The following STX12 variants were observed in gnomAD, a reference collection of about 807,000 sequenced individuals.
The protein encoded by STX12 is syntaxin-12.
In STX12, 17 loss-of-function variants were observed where a neutral mutation model predicts 42.2. The ratio of observed to expected loss-of-function variants is 0.40; its 90% CI spans 0.28 to 0.60. STX12 has a LOEUF of 0.60. Among genes scored for constraint, STX12 ranks in the 20% least tolerant of loss-of-function variants. The pLI is 0.39. For missense variants in STX12, 297 were observed against 330.9 expected, an observed-to-expected ratio of 0.90 and a Z score of 0.79; for synonymous variants, 108 against 116.7, an observed-to-expected ratio of 0.93 and a Z score of 0.48.
Position 27,773,282 on chromosome 1 carries a change from G to A in STX12, c.-26G>A. 6.7e-7 allele frequency: 1 copy of A among 1,498,118 alleles called. No homozygotes were observed. Among genetic ancestry groups the A allele is most frequent in the African/African-American group, 1.4e-5 (1 of 72,462 alleles). The allele number at this position is 1,498,118 out of a possible 1,614,324, so 92.8% of individuals were successfully genotyped here. ...CTGCTTCCGGTAGGAGAGCGGTGTAGAGCGAGCAGGTCTCAGCTCCTCGTC... is the reference window on the plus strand; with the variant it reads ...CTGCTTCCGGTAGGAGAGCGGTGTAAAGCGAGCAGGTCTCAGCTCCTCGTC... On this transcript the variant is annotated 5_prime_UTR_variant, in exon 1 of 9. Coordinates refer to ENST00000373943, the MANE Select transcript of STX12 (RefSeq NM_177424.3).
chr1:27,798,766 G>A (rs2088805476), intron 3 of STX12, among the ~76,000 whole-genome samples: 1 of 137,618 alleles, frequency 7.3e-6, no homozygotes, highest in African/African-American at 2.7e-5. Context: ...GGACGACAGA[G>A]CGAGACTCCG....
chr1:27,784,861 T>C (rs2088689697), intron 1 of STX12, among the ~76,000 whole-genome samples: 1 of 152,202 alleles, frequency 6.6e-6, no homozygotes, highest in African/African-American at 2.4e-5. Context: ...TTAATTCTGG[T>C]GCTTAGCTAG....
chr1:27,787,638 G>A (rs1454876680), intron 1 of STX12, among the ~76,000 whole-genome samples: 10 of 151,348 alleles, frequency 6.6e-5, no homozygotes, highest in Middle Eastern at 3.4e-3. Flanking sequence ...CAGCCTGGCC[G>A]ACAGAGTGAG....
At chr1:27,808,308 G>GT (rs1204192436) in intron 4 of STX12, among the ~76,000 whole-genome samples, 3 of 145,822 alleles carry the variant, frequency 2.1e-5, no homozygotes, top group African/African-American at 7.5e-5. Flanking sequence ...TTTTTGCTTT[G>GT]TTTTTTATTT....
At position 27,822,653 on chromosome 1, in the gene STX12, C is replaced by T. The variant is rs920426298; in HGVS notation, c.*324C>T. ...GTTTTGACAAATGACACTACAGTCTCGTAATATTGTCTTTTATGTATATAC... is the reference window on the plus strand; with the variant it reads ...GTTTTGACAAATGACACTACAGTCTTGTAATATTGTCTTTTATGTATATAC... On this transcript the variant is annotated 3_prime_UTR_variant, in exon 9 of 9. Transcript: ENST00000373943. The T allele has an allele frequency of 2.7e-5, 6 of 218,554 alleles. No homozygotes were observed. Among genetic ancestry groups the T allele is most frequent in the Admixed American group, 2.1e-4 (4 of 19,154 alleles). The allele number at this position is 218,554 out of a possible 1,614,324, so 13.5% of individuals were successfully genotyped here. A position where few individuals can be genotyped will look rare whatever the true frequency, so the allele number is the denominator to read the frequency against.
intron 5 of STX12, 80 bp from the exon 6 acceptor site, chr1:27,812,083 G>A: frequency 1.7e-6 from 2 of 1,182,332 alleles, no homozygotes; most frequent in Non-Finnish European, 2.5e-6. Flanking sequence ...CATAGGTTCT[G>A]CTGGCAGTAG....
chr1:27,785,513 T>A (rs1212581171), intron 1 of STX12, among the ~76,000 whole-genome samples: 1 of 152,220 alleles, frequency 6.6e-6, no homozygotes, highest in East Asian at 1.9e-4. Context: ...ATTTAGTTCT[T>A]ACATAGTTGT....
chr1:27,788,898 G>A (rs1339339022), intron 1 of STX12, among the ~76,000 whole-genome samples: 1 of 152,100 alleles, frequency 6.6e-6, no homozygotes, highest in Non-Finnish European at 1.5e-5. Context: ...TGTAGTCCCA[G>A]CTACTCAGGA....
At chr1:27,791,196 G>A (rs1193768986) in intron 2 of STX12, among the ~76,000 whole-genome samples, 11 of 152,154 alleles carry the variant, frequency 7.2e-5, no homozygotes, top group Admixed American at 7.2e-4. Flanking sequence ...GGGAGGCGGA[G>A]GTTGCAGTGA....
At chr1:27,791,213 A>G (rs1557800591) in intron 2 of STX12, among the ~76,000 whole-genome samples, 2 of 152,068 alleles carry the variant, frequency 1.3e-5, no homozygotes, top group Non-Finnish European at 2.9e-5. Context: ...GTGAGCTGAG[A>G]TTGTGCCATT....
intron 1 of STX12, among the ~76,000 whole-genome samples, chr1:27,782,214 C>T (rs972014257): frequency 1.3e-5 from 2 of 152,148 alleles, no homozygotes; most frequent in Admixed American, 1.3e-4. Flanking sequence ...ATCCCCCCAC[C>T]TCCACCTTCC....
At chr1:27,807,919 A>G (rs1231766515) in intron 4 of STX12, among the ~76,000 whole-genome samples, 2 of 152,272 alleles carry the variant, frequency 1.3e-5, no homozygotes, top group Non-Finnish European at 2.9e-5. Flanking sequence ...TGATTCAAAA[A>G]AAGCACTAAA....
chr1:27,782,067 G>A (rs1443984177), intron 1 of STX12, among the ~76,000 whole-genome samples: 2 of 151,982 alleles, frequency 1.3e-5, no homozygotes, highest in African/African-American at 4.8e-5. Context: ...TGGAAGTAGC[G>A]GGACCACGAC....
At chr1:27,785,853 C>T (rs1461292669) in intron 1 of STX12, among the ~76,000 whole-genome samples, 1 of 152,110 alleles carries the variant, frequency 6.6e-6, no homozygotes. Flanking sequence ...GAGGAGTGTT[C>T]CCATAGGTGC....
chr1:27,802,451 A>G (rs572683118), intron 4 of STX12, among the ~76,000 whole-genome samples: 18 of 152,348 alleles, frequency 1.2e-4, no homozygotes, highest in South Asian at 2.1e-4. Flanking sequence ...AAGCTCTTCT[A>G]TCCCCCGGCA....
intron 2 of STX12, 28 bp from the exon 3 acceptor site, chr1:27,793,505 A>T: frequency 6.3e-7 from 1 of 1,591,652 alleles, no homozygotes; most frequent in South Asian, 1.1e-5. Context: ...AAGTGACAAC[A>T]TCCTGAAACA....
intron 1 of STX12, among the ~76,000 whole-genome samples, chr1:27,787,109 T>C (rs778437303): frequency 5.9e-5 from 9 of 152,234 alleles, no homozygotes; most frequent in Non-Finnish European, 1.3e-4. Flanking sequence ...ATTTCTGTTA[T>C]AAAACTGGAA....
chr1:27,791,545 G>A (rs1053478517), intron 2 of STX12, among the ~76,000 whole-genome samples: 1 of 152,230 alleles, frequency 6.6e-6, no homozygotes, highest in Non-Finnish European at 1.5e-5. Flanking sequence ...GCCGGGAGCA[G>A]TGGCTCACGC....
chr1:27,814,669 TA>T (rs1177655685), intron 6 of STX12, among the ~76,000 whole-genome samples: 1 of 151,816 alleles, frequency 6.6e-6, no homozygotes, highest in African/African-American at 2.4e-5. Context: ...ACCAACATGG[TA>T]AAACCCCGTG....
Sources: allele counts gnomAD v4.1 joint callset (sites outside exome capture counted in the v4.1 genomes callset), GRCh38; gene constraint gnomAD v4.1.1; transcripts MANE v1.5; gene names NCBI Gene and HGNC (gene_info 2026-07-23, HGNC 2026-07-21).